Variants in KAZN observed in about 807,000 individuals in gnomAD.
KAZN encodes the protein kazrin, periplakin interacting protein, also known as kazrin.
In KAZN, 40 loss-of-function variants were observed where a neutral mutation model predicts 87.4. That is an observed-to-expected ratio of 0.46 (90% confidence interval 0.36 to 0.60). The LOEUF (loss-of-function observed/expected upper bound fraction) is 0.60, where lower values mean the gene tolerates loss of function less well. Among genes scored for constraint, KAZN ranks in the 20% least tolerant of loss-of-function variants. The pLI is 0.00. For missense variants in KAZN, 898 were observed against 1,073.9 expected (o/e 0.84, Z 2.29); for synonymous variants, 466 against 458.3 (o/e 1.02, Z -0.22).
chr1:15,053,305 T>G (rs1674613012), intron 4 of KAZN, among the ~76,000 whole-genome samples: 1 of 152,016 alleles, frequency 6.6e-6, no homozygotes, highest in Non-Finnish European at 1.5e-5. Flanking sequence ...GAAGTGTGGG[T>G]CTCCGTGATG....
At chr1:14,784,858 G>A (rs1246320348) in intron 1 of KAZN, among the ~76,000 whole-genome samples, 1 of 152,162 alleles carries the variant, frequency 6.6e-6, no homozygotes, top group African/African-American at 2.4e-5. Context: ...GCACTGGGCT[G>A]GAGTGATATC....
At chr1:15,067,658 A>G in intron 8 of KAZN, 3 of 985,446 alleles carry the variant, frequency 3.0e-6, no homozygotes, top group Non-Finnish European at 3.6e-6. Context: ...CATTGTGTCC[A>G]AAGTCTCAAG....
intron 1 of KAZN, among the ~76,000 whole-genome samples, chr1:14,886,830 A>G (rs1301260993): frequency 6.6e-6 from 1 of 152,162 alleles, no homozygotes; most frequent in Non-Finnish European, 1.5e-5. Context: ...CTTTACATGT[A>G]TACCTGTATA....
intron 2 of KAZN, among the ~76,000 whole-genome samples, chr1:14,985,925 C>T (rs1444733845): frequency 6.7e-6 from 1 of 149,556 alleles, no homozygotes; most frequent in Non-Finnish European, 1.5e-5. Context: ...ATCACTTGAA[C>T]CCAGGAGGCG....
At chr1:14,994,346 C>T (rs568309630) in intron 2 of KAZN, among the ~76,000 whole-genome samples, 2 of 152,340 alleles carry the variant, frequency 1.3e-5, no homozygotes, top group Admixed American at 6.5e-5. Context: ...GCAGTTTGCC[C>T]CTCATTGCGC....
rs146940193 is a variant in KAZN, at chr1:14,960,792, C to T, written c.335C>T (p.Ser112Phe). 1 of 1,612,302 alleles carries T rather than the reference C, an allele frequency of 6.2e-7. No homozygotes were observed. The highest frequency in any genetic ancestry group is 8.5e-7 in the Non-Finnish European group (1 of 1,179,506). The change falls in exon 2 of 15, where the codon TCT becomes TTT. Residue 112 changes from serine (S) to phenylalanine (F), a missense_variant. Physicochemically the swap from Ser to Phe is radical, Grantham distance 155. This residue lies in a region of KAZN where 250 missense variants were observed against 263.0 expected (regional missense o/e 0.95). Transcript: ENST00000376030. ...GAGGAGTCGCAGGGCGGCAAGTCCT[C>T]TGAGGTCCTCTCGGCCACCGAGCTC... ...DLEESQGGKS[S>F]EVLSATELRV...
At chr1:14,433,562 A>G (rs543435359) in intron 2 of KAZN, among the ~76,000 whole-genome samples, 8 of 152,314 alleles carry the variant, frequency 5.3e-5, no homozygotes, top group Admixed American at 1.3e-4. Context: ...GTGCTCTTCT[A>G]AAAAGAGACA....
chr1:14,253,187 A>G (rs1325434358), intron 2 of KAZN, among the ~76,000 whole-genome samples: 1 of 151,506 alleles, frequency 6.6e-6, no homozygotes, highest in Non-Finnish European at 1.5e-5. Context: ...CTGTTTGTCC[A>G]GGAAGAAGAG....
chr1:14,566,726 CT>C (rs1195007078), intron 2 of KAZN, among the ~76,000 whole-genome samples: 3 of 152,244 alleles, frequency 2.0e-5, no homozygotes, highest in Non-Finnish European at 2.9e-5. Context: ...TCACCTTGAA[CT>C]TTTATGTTAC....
chr1:14,561,810 A>G (rs1023143573), intron 2 of KAZN, among the ~76,000 whole-genome samples: 4 of 152,042 alleles, frequency 2.6e-5, no homozygotes, highest in African/African-American at 9.7e-5. Context: ...AGGCTGAGGC[A>G]GGAGAATCGC....
chr1:13,924,414 G>C (rs561894812), intron 1 of KAZN, among the ~76,000 whole-genome samples: 6 of 152,110 alleles, frequency 3.9e-5, no homozygotes, highest in Non-Finnish European at 8.8e-5. Flanking sequence ...ATTCTAGGCG[G>C]TATAGTTCTT....
At position 14,834,004 on chromosome 1, in the gene KAZN, CACACAT is replaced by C. The variant is rs1342477547; in HGVS notation, c.227-126674_227-126669del. 2.0e-3 allele frequency among the ~76,000 whole-genome samples: 269 copies of C among 135,412 alleles called. 1 individual carries two copies. The highest frequency in any genetic ancestry group is 3.6e-3 in the Middle Eastern group (1 of 276). The allele number at this position is 135,412 out of a possible 152,430, so 88.8% of individuals were successfully genotyped here. On this transcript the variant is annotated intron_variant, in intron 1 of 14. Coordinates refer to ENST00000376030, the MANE Select transcript of KAZN (RefSeq NM_201628.3). Reference sequence around the variant, plus strand: ...ACACACACACACACACACACACACACACACATACACACACATACATACATATATATT... The same window carrying C: ...ACACACACACACACACACACACACACACACACACATACATACATATATATT...
Position 14,949,001 on chromosome 1 carries a change from A to G in KAZN, c.227-11683A>G, listed in dbSNP as rs1369937237. Among the ~76,000 whole-genome samples the G allele has an allele frequency of 6.6e-6, 1 of 152,020 alleles. No homozygotes were observed. Among genetic ancestry groups the G allele is most frequent in the East Asian group, 1.9e-4 (1 of 5,188 alleles). ...GCAAAATGCTGTCTCTACAAAAAAT[A>G]CAAACATTAGAAGGGCGTTGTAGCA... On this transcript the variant is annotated intron_variant, in intron 1 of 14. Transcript: ENST00000376030. The surrounding 1 kb of genome is among the most constrained non-coding windows in gnomAD (Gnocchi z 4.3).
intron 2 of KAZN, among the ~76,000 whole-genome samples, chr1:14,214,008 G>C (rs564024352): frequency 2.6e-4 from 39 of 152,284 alleles, no homozygotes; most frequent in African/African-American, 8.9e-4. Flanking sequence ...ATTTGGCGTG[G>C]GCTTAAGGAG....
chr1:14,069,164 A>G (rs953088888), intron 1 of KAZN, among the ~76,000 whole-genome samples: 1 of 152,172 alleles, frequency 6.6e-6, no homozygotes, highest in Non-Finnish European at 1.5e-5. Context: ...CTGACCCAGG[A>G]GCTAATATGG....
intron 1 of KAZN, among the ~76,000 whole-genome samples, chr1:14,066,462 G>A (rs1180598230): frequency 6.6e-6 from 1 of 152,170 alleles, no homozygotes; most frequent in Non-Finnish European, 1.5e-5. Flanking sequence ...CTCACTTCTT[G>A]GGGTAGAGGG....
At chr1:13,929,016 C>G (rs1640395830) in intron 1 of KAZN, among the ~76,000 whole-genome samples, 1 of 144,114 alleles carries the variant, frequency 6.9e-6, no homozygotes, top group Admixed American at 7.0e-5. Flanking sequence ...GCTGGGCCAG[C>G]TGAGGGCCAA....
chr1:14,806,588 T>G (rs559659843), intron 1 of KAZN, among the ~76,000 whole-genome samples: 57 of 152,322 alleles, frequency 3.7e-4, no homozygotes, highest in African/African-American at 1.3e-3. Context: ...TTCTTCATGT[T>G]GTCTGCCCCC....
intron 2 of KAZN, among the ~76,000 whole-genome samples, chr1:14,437,782 G>A (rs77527346): frequency 0.031 from 4,648 of 152,150 alleles, 82 homozygotes; most frequent in African/African-American, 0.044. Context: ...GACATGCACG[G>A]TACCTCCCCC....
Sources: allele counts gnomAD v4.1 joint callset (sites outside exome capture counted in the v4.1 genomes callset), GRCh38; gene constraint gnomAD v4.1.1; regional missense constraint gnomAD v4.1.1; non-coding constraint Gnocchi (gnomAD v3.1); transcripts MANE v1.5; gene names NCBI Gene and HGNC (gene_info 2026-07-23, HGNC 2026-07-21).